ITSN2: variants seen among roughly 807,000 people sequenced by gnomAD.
ITSN2 encodes the protein intersectin-2.
ITSN2 carries 156 observed loss-of-function variants against 243.7 expected under a neutral mutation model. The observed-to-expected ratio is 0.64, with a 90% confidence interval of 0.56 to 0.73. The LOEUF is 0.73. Among genes scored for constraint, ITSN2 ranks in the 30% least tolerant of loss-of-function variants. The pLI, the probability that ITSN2 is intolerant of heterozygous loss-of-function variation, is 0.00. For synonymous variants in ITSN2, 703 were observed against 699.9 expected (o/e 1.00, Z -0.07); for missense variants, 1,801 against 1,996.1 (o/e 0.90, Z 1.86).
chr2:24,299,132 C>T (rs575355646), intron 12 of ITSN2, among the ~76,000 whole-genome samples: 2 of 151,164 alleles, frequency 1.3e-5, no homozygotes, highest in East Asian at 2.0e-4. Flanking sequence ...TGGGCTCAAG[C>T]GATTCTCCTG....
chr2:24,281,025 G>A lies in ITSN2; in HGVS notation c.1944+3738C>T, dbSNP rs79901342. ...TACCTGGTACATCTATATCAATAGG[G>A]TTTGTTTGTTTGTTTTTTCTGAGAC... On this transcript the variant is annotated intron_variant, in intron 17 of 39. Coordinates refer to ENST00000355123, the MANE Select transcript of ITSN2 (RefSeq NM_006277.3). Among the ~76,000 whole-genome samples, 1,102 of 152,144 alleles carry A rather than the reference G, an allele frequency of 7.2e-3. 8 individuals carry two copies. The highest frequency in any genetic ancestry group is 0.026 in the African/African-American group (1,061 of 41,506).
At chr2:24,277,783 G>T (rs1181323441) in intron 17 of ITSN2, among the ~76,000 whole-genome samples, 3 of 152,152 alleles carry the variant, frequency 2.0e-5, no homozygotes, top group Non-Finnish European at 4.4e-5. Flanking sequence ...AGGGAAAATT[G>T]TCTTGTGCCA....
At chr2:24,207,542 C>G (rs1314687215) in intron 37 of ITSN2, among the ~76,000 whole-genome samples, 1 of 151,814 alleles carries the variant, frequency 6.6e-6, no homozygotes, top group African/African-American at 2.4e-5. Flanking sequence ...TCGGTGGGGT[C>G]CCCGAGGGAG....
chr2:24,333,421 C>T (rs977014843), intron 1 of ITSN2, among the ~76,000 whole-genome samples: 1 of 152,212 alleles, frequency 6.6e-6, no homozygotes, highest in African/African-American at 2.4e-5. Flanking sequence ...ACATGACTGG[C>T]GCCTGTTTCA....
intron 29 of ITSN2, among the ~76,000 whole-genome samples, chr2:24,237,567 T>A (rs1159545010): frequency 6.6e-6 from 1 of 152,158 alleles, no homozygotes; most frequent in Non-Finnish European, 1.5e-5. Context: ...TATGTGGACA[T>A]CCCATAGGTG....
intron 38 of ITSN2, 41 bp downstream of exon 38, chr2:24,205,173 A>C (rs774603411): frequency 1.9e-6 from 3 of 1,539,298 alleles, no homozygotes; most frequent in Non-Finnish European, 2.7e-6. Flanking sequence ...AAACTGGGGC[A>C]GGGCAGTTAT....
chr2:24,252,215 C>T (rs1177899952), intron 25 of ITSN2, 130 bp downstream of exon 25: 2 of 709,692 alleles, frequency 2.8e-6, no homozygotes, highest in Non-Finnish European at 4.6e-6. Context: ...GCAACCTGAT[C>T]AAAACCATAA....
At chr2:24,301,583 T>G (rs1442081527) in intron 10 of ITSN2, among the ~76,000 whole-genome samples, 1 of 151,802 alleles carries the variant, frequency 6.6e-6, no homozygotes, top group Non-Finnish European at 1.5e-5. Flanking sequence ...TAGAGTGCTG[T>G]GGCATAATCA....
rs139269009 is a variant in ITSN2, at chr2:24,314,609, T to C, written c.124+523A>G. On this transcript the variant is annotated intron_variant, in intron 3 of 39. Coordinates refer to ENST00000355123, the MANE Select transcript of ITSN2 (RefSeq NM_006277.3). ...TCATTGTTCTCATAGTTACTATTAT[T>C]GTATGTAAAGCACTAAGCTACTTTG... Among the ~76,000 whole-genome samples the C allele has an allele frequency of 1.5e-3, 227 of 152,338 alleles. 1 individual carries two copies. Among genetic ancestry groups the C allele is most frequent in the African/African-American group, 5.1e-3 (214 of 41,586 alleles).
chr2:24,302,133 T>C (rs1681845559), intron 9 of ITSN2, 31 bp from the exon 10 acceptor site: 1 of 1,547,472 alleles, frequency 6.5e-7, no homozygotes, highest in African/African-American at 1.4e-5. Flanking sequence ...CACAACTTAA[T>C]AAAGTCTATT....
At chr2:24,261,841 T>C (rs776656100) in intron 20 of ITSN2, 99 bp from the exon 21 acceptor site, 4 of 841,942 alleles carry the variant, frequency 4.8e-6, no homozygotes, top group Non-Finnish European at 7.2e-6. Flanking sequence ...TTTTCAGAAT[T>C]AAGCCCATCT....
At chr2:24,253,818 A>G (rs1399008495) in intron 24 of ITSN2, among the ~76,000 whole-genome samples, 2 of 152,224 alleles carry the variant, frequency 1.3e-5, no homozygotes, top group African/African-American at 4.8e-5. Context: ...GGACTTATAC[A>G]TTTCATTTAT....
chr2:24,248,428 T>G (rs1673684666), intron 27 of ITSN2, among the ~76,000 whole-genome samples: 1 of 152,214 alleles, frequency 6.6e-6, no homozygotes, highest in African/African-American at 2.4e-5. Context: ...CTTAAATTGT[T>G]ACTTATAACA....
intron 17 of ITSN2, among the ~76,000 whole-genome samples, chr2:24,281,543 C>T (rs1026208515): frequency 2.0e-5 from 3 of 152,220 alleles, no homozygotes; most frequent in Non-Finnish European, 4.4e-5. Flanking sequence ...AACCATGAAC[C>T]TATTTCATCA....
chr2:24,218,042 A>G (rs1032730027), intron 30 of ITSN2, 29 bp from the exon 31 acceptor site: 3 of 1,502,476 alleles, frequency 2.0e-6, no homozygotes, highest in African/African-American at 2.8e-5. Flanking sequence ...AAAACTAGTT[A>G]GCTTAAGTGT....
At chr2:24,330,619 G>C (rs1685672707) in intron 1 of ITSN2, 1 of 782,636 alleles carries the variant, frequency 1.3e-6, no homozygotes, top group Admixed American at 1.7e-5. Context: ...GCAGAAAATG[G>C]AGATGCTAAA....
chr2:24,347,460 G>C (rs1245879608), intron 1 of ITSN2, among the ~76,000 whole-genome samples: 2 of 152,210 alleles, frequency 1.3e-5, no homozygotes, highest in Non-Finnish European at 2.9e-5. Flanking sequence ...GCTGAAGCAG[G>C]TGGATCACCT....
At chr2:24,272,704 A>C (rs550462442) in intron 18 of ITSN2, among the ~76,000 whole-genome samples, 1 of 152,172 alleles carries the variant, frequency 6.6e-6, no homozygotes, top group Admixed American at 6.5e-5. Context: ...CAAAGTGCTG[A>C]GATTACGGGC....
chr2:24,223,213 C>T (rs528066115), intron 29 of ITSN2, among the ~76,000 whole-genome samples: 5 of 152,254 alleles, frequency 3.3e-5, no homozygotes, highest in Admixed American at 1.3e-4. Context: ...TCCAGCAGGG[C>T]GTGTTGCTCT....
Sources: gnomAD v4.1 joint callset for allele counts (sites outside exome capture counted in the v4.1 genomes callset) on GRCh38, gnomAD v4.1.1 for gene constraint, MANE v1.5 for transcripts, NCBI Gene and HGNC (gene_info 2026-07-23, HGNC 2026-07-21) for gene names.